The following PDE4D variants were observed in gnomAD, a reference collection of about 807,000 sequenced individuals.
PDE4D encodes the protein phosphodiesterase 4D.
A neutral mutation model predicts 87.4 loss-of-function variants in PDE4D; 24 were observed. The observed-to-expected ratio is 0.27, with a 90% CI of 0.20 to 0.39. The LOEUF (loss-of-function observed/expected upper bound fraction) is 0.39, where lower values mean the gene tolerates loss of function less well. PDE4D is among the 10% of genes least tolerant of loss of function. The probability of loss-of-function intolerance (pLI) is 1.00; values close to 1 mark genes in which losing one functional copy is unlikely to be tolerated. For missense variants in PDE4D, 714 were observed against 1,041.0 expected, an observed-to-expected ratio of 0.69 and a Z score of 4.32; for synonymous variants, 384 against 383.2, an observed-to-expected ratio of 1.00 and a Z score of -0.02.
rs145133113 is a variant in PDE4D, at chr5:59,042,331, G to A, written c.809-3360C>T. ...ATCAAGTAACTGACCTTTTCATCCC[G>A]CCGAACAAACCTCAAAGTGGAGTTG... On this transcript the variant is annotated intron_variant, in intron 5 of 14. Transcript: ENST00000340635. Among the ~76,000 whole-genome samples the A allele has an allele frequency of 7.1e-3, 1,084 of 152,054 alleles. 5 individuals are homozygous for A. The highest frequency in any genetic ancestry group is 0.01 in the Non-Finnish European group (694 of 67,994).
At chr5:59,346,318 C>T (rs1562002976) in intron 1 of PDE4D, among the ~76,000 whole-genome samples, 1 of 152,054 alleles carries the variant, frequency 6.6e-6, no homozygotes. Context: ...GGCACATTCA[C>T]ACCCATCATT....
intron 1 of PDE4D, among the ~76,000 whole-genome samples, chr5:59,499,401 GA>G (rs1330323084): frequency 3.5e-5 from 5 of 144,472 alleles, no homozygotes; most frequent in Admixed American, 2.1e-4. Flanking sequence ...AGAGCTAGCA[GA>G]AAAAAAAGAA....
intron 1 of PDE4D, among the ~76,000 whole-genome samples, chr5:59,739,250 T>C (rs1035902807): frequency 2.6e-5 from 4 of 152,084 alleles, no homozygotes; most frequent in Non-Finnish European, 5.9e-5. Flanking sequence ...TGAAACCCCA[T>C]TTTTACTAAA....
chr5:59,455,054 T>A (rs544678289), intron 1 of PDE4D, among the ~76,000 whole-genome samples: 2 of 152,242 alleles, frequency 1.3e-5, no homozygotes, highest in African/African-American at 4.8e-5. Context: ...GTTTGGAAAA[T>A]TTGCAGCCTG....
chr5:59,591,238 T>C (rs537000399), intron 1 of PDE4D, among the ~76,000 whole-genome samples: 6 of 152,332 alleles, frequency 3.9e-5, no homozygotes, highest in Admixed American at 2.0e-4. Flanking sequence ...CTCTGTAATA[T>C]CAGTTTCAGT....
intron 1 of PDE4D, among the ~76,000 whole-genome samples, chr5:60,477,653 C>T (rs1748431392): frequency 1.3e-5 from 2 of 152,164 alleles, no homozygotes; most frequent in African/African-American, 2.4e-5. Flanking sequence ...CTCGGAGTTC[C>T]ACCACAAACT....
At chr5:60,465,298 T>G (rs1256817234) in intron 1 of PDE4D, among the ~76,000 whole-genome samples, 3 of 152,184 alleles carry the variant, frequency 2.0e-5, no homozygotes, top group Non-Finnish European at 2.9e-5. Flanking sequence ...TTCACTATGC[T>G]TTAGATCATT....
At chr5:59,662,231 A>G (rs1270709141) in intron 1 of PDE4D, among the ~76,000 whole-genome samples, 2 of 152,190 alleles carry the variant, frequency 1.3e-5, no homozygotes, top group African/African-American at 4.8e-5. Context: ...TGACAGGAAA[A>G]CAAGAAAATA....
intron 1 of PDE4D, among the ~76,000 whole-genome samples, chr5:59,655,282 G>C (rs1486714122): frequency 6.6e-6 from 1 of 152,130 alleles, no homozygotes; most frequent in Non-Finnish European, 1.5e-5. Flanking sequence ...GTAAGAGCTT[G>C]ATGTGCAAAA....
At chr5:59,475,778 G>A (rs1803209861) in intron 1 of PDE4D, among the ~76,000 whole-genome samples, 1 of 151,960 alleles carries the variant, frequency 6.6e-6, no homozygotes. Context: ...CTTGTTGACT[G>A]CTGTATGCCT....
intron 2 of PDE4D, among the ~76,000 whole-genome samples, chr5:60,004,181 A>G (rs1406105624): frequency 6.6e-6 from 1 of 152,190 alleles, no homozygotes; most frequent in East Asian, 1.9e-4. Flanking sequence ...TCAGACTTAA[A>G]AGCTTTTGCA....
At chr5:60,448,791 T>C (rs1745854450) in intron 1 of PDE4D, 2 of 152,100 alleles carry the variant, frequency 1.3e-5, no homozygotes, top group African/African-American at 4.8e-5. Context: ...AGCAGATATT[T>C]TAATGAAAAC....
chr5:59,220,856 C>T (rs1752396828), intron 1 of PDE4D, among the ~76,000 whole-genome samples: 1 of 145,296 alleles, frequency 6.9e-6, no homozygotes. Flanking sequence ...TTTTGACTCA[C>T]AGCCAATTAG....
intron 1 of PDE4D, among the ~76,000 whole-genome samples, chr5:59,366,738 T>G (rs553859024): frequency 6.6e-6 from 1 of 152,234 alleles, no homozygotes; most frequent in African/African-American, 2.4e-5. Context: ...TAGGCCTTGT[T>G]TGTCATGAAC....
chr5:59,290,514 G>A (rs541934249), intron 1 of PDE4D, among the ~76,000 whole-genome samples: 1 of 152,068 alleles, frequency 6.6e-6, no homozygotes, highest in South Asian at 2.1e-4. Context: ...CATTGGACTG[G>A]GTAACAATTT....
In PDE4D at chr5:60,014,083, C is replaced by A. The variant is rs551262928; in HGVS notation, c.43-25366G>T. Reference sequence around the variant, plus strand: ...ACTCCAGCCTGGCAACAGAGCAAGACTCCACCTTAAAAAAAAAAAAAAAAA... The same window carrying A: ...ACTCCAGCCTGGCAACAGAGCAAGAATCCACCTTAAAAAAAAAAAAAAAAA... On this transcript the variant is annotated intron_variant, in intron 2 of 16. Coordinates refer to the PDE4D transcript ENST00000502484. Among the ~76,000 whole-genome samples, 4 of 138,140 alleles carry A rather than the reference C, an allele frequency of 2.9e-5. No individual in the cohort carries two copies. In the East Asian group the frequency reaches 8.3e-4, roughly 29 times the overall value. The allele number at this position is 138,140 out of a possible 152,430, so 90.6% of individuals were successfully genotyped here.
chr5:59,483,617 C>G (rs1235386412), intron 1 of PDE4D, among the ~76,000 whole-genome samples: 1 of 152,140 alleles, frequency 6.6e-6, no homozygotes, highest in East Asian at 1.9e-4. Flanking sequence ...TTACTTTCCT[C>G]TGTTTTGTGT....
At chr5:60,195,563 A>G (rs796308223) in intron 1 of PDE4D, among the ~76,000 whole-genome samples, 2 of 151,810 alleles carry the variant, frequency 1.3e-5, no homozygotes, top group African/African-American at 4.8e-5. Flanking sequence ...ACAGCAATCT[A>G]TTTTACTAAT....
chr5:59,627,140 C>T (rs1359316770), intron 1 of PDE4D, among the ~76,000 whole-genome samples: 4 of 152,182 alleles, frequency 2.6e-5, no homozygotes, highest in Non-Finnish European at 5.9e-5. Context: ...GAGTCTAGTC[C>T]TTCCAGTAGC....
Sources: allele counts gnomAD v4.1 joint callset (sites outside exome capture counted in the v4.1 genomes callset), GRCh38; gene constraint gnomAD v4.1.1; transcripts MANE v1.5; gene names NCBI Gene and HGNC (gene_info 2026-07-23, HGNC 2026-07-21).